Variants in VAPA observed in about 807,000 individuals in gnomAD.
The protein encoded by VAPA is VAMP associated protein A, also known as vesicle-associated membrane protein-associated protein A.
Under a neutral mutation model 25.6 loss-of-function variants are expected in VAPA, and 6 were observed. The ratio of observed to expected loss-of-function variants is 0.23; its 90% confidence interval spans 0.13 to 0.46. The LOEUF is 0.46. VAPA is among the 20% of genes least tolerant of loss of function. The pLI, the probability that VAPA is intolerant of heterozygous loss-of-function variation, is 0.99. For synonymous variants in VAPA, 112 were observed against 106.2 expected (o/e 1.05, Z -0.34); for missense variants, 244 against 302.1 (o/e 0.81, Z 1.43).
At chr18:9,914,450 C>A in intron 1 of VAPA, 115 bp downstream of exon 1, 1 of 876,494 alleles carries the variant, frequency 1.1e-6, no homozygotes, top group Non-Finnish European at 1.6e-6. Flanking sequence ...CCCCCTCCCC[C>A]ACGCCCCGGC....
chr18:9,943,867 T>A (rs1194680978), intron 4 of VAPA, among the ~76,000 whole-genome samples: 1,037 of 93,920 alleles, frequency 0.011, 91 homozygotes, highest in African/African-American at 0.042. Context: ...TTTTTTTTTT[T>A]TTTTTTTTTT....
intron 4 of VAPA, chr18:9,949,812 T>A (rs1213546489): frequency 6.6e-6 from 1 of 152,594 alleles, no homozygotes; most frequent in African/African-American, 2.4e-5. Context: ...GGGCTCATAG[T>A]CTTCAAAGCA....
chr18:9,916,761 A>G (rs576993304), intron 1 of VAPA, among the ~76,000 whole-genome samples: 12 of 152,338 alleles, frequency 7.9e-5, no homozygotes, highest in Non-Finnish European at 1.6e-4. Context: ...GACTTACCCT[A>G]AGTCATTCAA....
At chr18:9,946,561 C>G (rs149881521) in intron 4 of VAPA, among the ~76,000 whole-genome samples, 2 of 151,214 alleles carry the variant, frequency 1.3e-5, no homozygotes, top group Admixed American at 6.6e-5. Context: ...CCAGTGAGGC[C>G]CAGGGAAGCC....
chr18:9,932,967 G>T, intron 2 of VAPA, among the ~76,000 whole-genome samples: 1 of 152,100 alleles, frequency 6.6e-6, no homozygotes, highest in East Asian at 1.9e-4. Context: ...AATTAGTCGG[G>T]TGTGGTGGTG....
chr18:9,923,111 G>A (rs1157279718), intron 1 of VAPA, among the ~76,000 whole-genome samples: 2 of 152,102 alleles, frequency 1.3e-5, no homozygotes, highest in African/African-American at 4.8e-5. Flanking sequence ...GCTGACTTAT[G>A]CATCATTAAT....
chr18:9,936,257 C>T, intron 3 of VAPA, 44 bp downstream of exon 3: 2 of 1,307,968 alleles, frequency 1.5e-6, no homozygotes, highest in Non-Finnish European at 2.1e-6. Context: ...GGAGTTTAAA[C>T]TGTGGGTGTT....
chr18:9,945,086 G>A (rs753221194), intron 4 of VAPA: 121 of 1,426,262 alleles, frequency 8.5e-5, no homozygotes, highest in Non-Finnish European at 1.0e-4. Flanking sequence ...AACAGACTTA[G>A]GAGTCTACTA....
intron 1 of VAPA, among the ~76,000 whole-genome samples, chr18:9,920,848 C>CT (rs1465054895): frequency 6.6e-6 from 1 of 152,216 alleles, no homozygotes; most frequent in Non-Finnish European, 1.5e-5. Context: ...TTTGCACAGG[C>CT]TCTGCTTAGA....
intron 1 of VAPA, chr18:9,915,214 C>T (rs2069102179): frequency 6.6e-6 from 1 of 152,328 alleles, no homozygotes. Flanking sequence ...GAGAAACCTT[C>T]AGTGCGTGTG....
intron 2 of VAPA, among the ~76,000 whole-genome samples, chr18:9,935,638 T>TA (rs1356165840): frequency 6.6e-6 from 1 of 152,234 alleles, no homozygotes; most frequent in African/African-American, 2.4e-5. Flanking sequence ...CTCCTTTAAA[T>TA]ATCTCAGTTG....
intron 4 of VAPA, chr18:9,948,653 C>T (rs2069452979): frequency 6.6e-6 from 1 of 152,248 alleles, no homozygotes; most frequent in South Asian, 2.1e-4. Context: ...ATTGCAACCT[C>T]CGCTTCCTGG....
intron 4 of VAPA, among the ~76,000 whole-genome samples, chr18:9,944,606 G>A (rs1317706961): frequency 2.0e-5 from 3 of 152,144 alleles, no homozygotes; most frequent in Admixed American, 6.5e-5. Flanking sequence ...AACATTAAAA[G>A]CCACAAAGAA....
At chr18:9,933,973 A>G (rs143881003) in intron 2 of VAPA, among the ~76,000 whole-genome samples, 2 of 152,326 alleles carry the variant, frequency 1.3e-5, no homozygotes, top group East Asian at 3.9e-4. Context: ...CTGTGTATTA[A>G]TATTTCTTGA....
At chr18:9,920,359 G>A (rs1033586265) in intron 1 of VAPA, among the ~76,000 whole-genome samples, 2 of 152,250 alleles carry the variant, frequency 1.3e-5, no homozygotes, top group Admixed American at 6.5e-5. Context: ...GTGGTGTGCA[G>A]TGGCGCTATC....
At chr18:9,939,668 A>C (rs960816723) in intron 4 of VAPA, among the ~76,000 whole-genome samples, 1 of 152,000 alleles carries the variant, frequency 6.6e-6, no homozygotes, top group African/African-American at 2.4e-5. Flanking sequence ...TGTGATCGAA[A>C]GTTTGAAATG....
intron 1 of VAPA, among the ~76,000 whole-genome samples, chr18:9,917,819 T>C (rs1599094935): frequency 6.6e-6 from 1 of 152,190 alleles, no homozygotes; most frequent in African/African-American, 2.4e-5. Flanking sequence ...GGGGGGAAAT[T>C]AGAGAATACT....
chr18:9,954,030 TTG>T (rs755393736), intron 5 of VAPA, 21 bp from the exon 6 acceptor site: 23 of 1,612,578 alleles, frequency 1.4e-5, no homozygotes, highest in African/African-American at 4.0e-5. Flanking sequence ...TAAAAACCTT[TTG>T]TGTGTGTGTT....
intron 4 of VAPA, among the ~76,000 whole-genome samples, chr18:9,943,470 A>G (rs562270249): frequency 6.7e-4 from 102 of 152,288 alleles, no homozygotes; most frequent in African/African-American, 2.4e-3. Flanking sequence ...TCATTTTGTT[A>G]ATGGCCCCTA....
Sources: gnomAD v4.1 joint callset for allele counts (sites outside exome capture counted in the v4.1 genomes callset) on GRCh38, gnomAD v4.1.1 for gene constraint, MANE v1.5 for transcripts, NCBI Gene and HGNC (gene_info 2026-07-23, HGNC 2026-07-21) for gene names.